The following TUBGCP5 variants were observed in gnomAD, a reference collection of about 807,000 sequenced individuals.
The protein encoded by TUBGCP5 is tubulin gamma complex component 5.
In TUBGCP5, 98 loss-of-function variants were observed where a neutral mutation model predicts 134.7. The ratio of observed to expected loss-of-function variants is 0.73; its 90% CI spans 0.62 to 0.86. The LOEUF is 0.86. Among genes scored for constraint, TUBGCP5 ranks in the 40% least tolerant of loss-of-function variants. TUBGCP5 has a pLI of 0.00. For synonymous variants in TUBGCP5, 456 were observed against 431.4 expected (o/e 1.06, Z -0.71); for missense variants, 1,150 against 1,244.8 (o/e 0.92, Z 1.15).
chr15:23,038,230 A>C (rs1383143298), intron 1 of TUBGCP5, among the ~76,000 whole-genome samples: 1 of 152,120 alleles, frequency 6.6e-6, no homozygotes, highest in Non-Finnish European at 1.5e-5. Flanking sequence ...TACTTAAATA[A>C]AATTACACTA....
At position 23,011,041 on chromosome 15, in the gene TUBGCP5, T is replaced by C; in HGVS notation, c.1955+92A>G. The C allele has an allele frequency of 4.5e-6, 6 of 1,342,990 alleles. No individual in the cohort carries two copies. In the Admixed American group the frequency reaches 1.2e-4, roughly 27 times the overall value. 83.2% of individuals were successfully genotyped at this position (1,342,990 alleles called of 1,614,324 possible). Reference sequence around the variant, plus strand: ...AAAGGATAGCCTACAAGAGTTTTTGTTTTTAGCCCTACCTGCCAGAAATAA... The same window carrying C: ...AAAGGATAGCCTACAAGAGTTTTTGCTTTTAGCCCTACCTGCCAGAAATAA... On this transcript the variant is annotated intron_variant, in intron 14 of 22. Coordinates refer to ENST00000615383, the MANE Select transcript of TUBGCP5 (RefSeq NM_052903.6).
chr15:22,983,100 T>G (rs1413836707), downstream of TUBGCP5: 2 of 152,180 alleles, frequency 1.3e-5, no homozygotes, highest in African/African-American at 2.4e-5. Context: ...AAAATTTTTT[T>G]TAAGTAATTA....
Position 23,032,808 on chromosome 15 carries a change from G to T in TUBGCP5, c.326C>A (p.Ser109Tyr). ...IKEIKTDAHY[S>Y]ILSLLLCLSD... Reference sequence around the variant, plus strand: ...CAGACACAGAAGAAGTGACAGTATGGAATAATGTGCATCTGTCTTTAAAAC... The same window carrying T: ...CAGACACAGAAGAAGTGACAGTATGTAATAATGTGCATCTGTCTTTAAAAC... Residue 109 changes from serine (S) to tyrosine (Y), a missense_variant, in exon 4 of 23, where the codon TCC becomes TAC. Physicochemically the swap from Ser to Tyr is moderately radical, Grantham distance 144. Transcript: ENST00000615383. 6.3e-7 allele frequency: 1 copy of T among 1,579,542 alleles called. No homozygotes were observed. Among genetic ancestry groups the T allele is most frequent in the South Asian group, 1.2e-5 (1 of 84,322 alleles).
chr15:23,008,137 A>T (rs538454298), intron 16 of TUBGCP5, among the ~76,000 whole-genome samples: 110 of 152,126 alleles, frequency 7.2e-4, no homozygotes, highest in African/African-American at 2.4e-3. Flanking sequence ...TCCTAAGCTC[A>T]AGCAATCCTC....
Position 22,999,590 on chromosome 15 carries a change from C to T in TUBGCP5, c.*230G>A, listed in dbSNP as rs569760113. On this transcript the variant is annotated 3_prime_UTR_variant, in exon 23 of 23. Coordinates refer to ENST00000615383, the MANE Select transcript of TUBGCP5 (RefSeq NM_052903.6). ...TACATTTTGTATTTTTGGTAGACACCGGGTTTCACCATGTTGCCCAGGCTG... is the reference window on the plus strand; with the variant it reads ...TACATTTTGTATTTTTGGTAGACACTGGGTTTCACCATGTTGCCCAGGCTG... 39 of 534,868 alleles carry T rather than the reference C, an allele frequency of 7.3e-5. No homozygotes were observed. In the Middle Eastern group the frequency reaches 2.0e-3, roughly 27 times the overall value. The allele number at this position is 534,868 out of a possible 1,614,324, so 33.1% of individuals were successfully genotyped here.
chr15:23,032,913 G>A (rs2066395909), intron 3 of TUBGCP5, 89 bp from the exon 4 acceptor site: 1 of 936,530 alleles, frequency 1.1e-6, no homozygotes, highest in Non-Finnish European at 1.5e-6. Context: ...TGACAGTTAT[G>A]TCCCCAATTT....
At chr15:23,004,036 T>C in intron 20 of TUBGCP5, 66 bp downstream of exon 20, 4 of 1,520,724 alleles carry the variant, frequency 2.6e-6, no homozygotes, top group African/African-American at 1.4e-5. Flanking sequence ...ATCATAAAAT[T>C]CCAAAGCACG....
chr15:23,005,833 A>G (rs1235889468), intron 18 of TUBGCP5: 4 of 675,978 alleles, frequency 5.9e-6, no homozygotes, highest in Admixed American at 3.2e-5. Flanking sequence ...TCAACTGTAC[A>G]TACAACTTCC....
intron 8 of TUBGCP5, 72 bp from the exon 9 acceptor site, chr15:23,024,902 A>ATTTT: frequency 4.2e-6 from 3 of 717,384 alleles, no homozygotes; most frequent in African/African-American, 1.9e-5. Context: ...TGCCCAGGAC[A>ATTTT]TTTTTTTTTT....
At chr15:23,030,152 G>A (rs902477184) in intron 6 of TUBGCP5, among the ~76,000 whole-genome samples, 17 of 152,036 alleles carry the variant, frequency 1.1e-4, no homozygotes, top group African/African-American at 4.1e-4. Flanking sequence ...CTAAGATTGT[G>A]CCACTGCACT....
intron 16 of TUBGCP5, among the ~76,000 whole-genome samples, chr15:23,007,209 C>T (rs12915753): frequency 0.089 from 13,499 of 152,084 alleles, 1,074 homozygotes; most frequent in East Asian, 0.46. Flanking sequence ...CGAGACCATC[C>T]TGGCTAACCC....
At chr15:23,009,291 T>C (rs930546861) in intron 15 of TUBGCP5, among the ~76,000 whole-genome samples, 4 of 148,362 alleles carry the variant, frequency 2.7e-5, no homozygotes, top group African/African-American at 1.0e-4. Context: ...TTTTTTGAGA[T>C]GGAGTCTTGC....
intron 23 of TUBGCP5, among the ~76,000 whole-genome samples, chr15:22,986,213 G>A (rs1159907770): frequency 1.3e-5 from 2 of 151,560 alleles, no homozygotes; most frequent in Non-Finnish European, 2.9e-5. Flanking sequence ...TGATGAAATT[G>A]GAACTCTGTG....
rs993637704 is a variant in TUBGCP5 at position 23,009,824 on chromosome 15, T to C, written c.2144+121A>G. 3.2e-5 allele frequency: 22 copies of C among 696,602 alleles called. 1 individual carries two copies. Among genetic ancestry groups the C allele is most frequent in the South Asian group, 2.6e-4 (6 of 23,220 alleles). 43.2% of individuals were successfully genotyped at this position (696,602 alleles called of 1,614,324 possible). ...TGGTCAATTGATTTCTCTTAGAAAATTGTTTACTGTATATCCATTTCCTAC... is the reference window on the plus strand; with the variant it reads ...TGGTCAATTGATTTCTCTTAGAAAACTGTTTACTGTATATCCATTTCCTAC... On this transcript the variant is annotated intron_variant, in intron 15 of 22. Coordinates refer to ENST00000615383, the MANE Select transcript of TUBGCP5 (RefSeq NM_052903.6).
chr15:23,028,891 A>G (rs558483114), intron 6 of TUBGCP5, among the ~76,000 whole-genome samples: 25 of 152,214 alleles, frequency 1.6e-4, no homozygotes, highest in Non-Finnish European at 2.2e-4. Context: ...GATGATACTA[A>G]TCATCTATAT....
chr15:23,017,839 T>A lies in TUBGCP5; in HGVS notation c.1690A>T (p.Lys564Ter). The A allele has an allele frequency of 6.2e-7, 1 of 1,614,040 alleles. No individual in the cohort carries two copies. The highest frequency in any genetic ancestry group is 8.5e-7 in the Non-Finnish European group (1 of 1,179,934). The change falls in exon 13 of 23, where the codon AAG (lysine) becomes TAG (stop). Residue 564 changes from lysine (K) to a stop codon, truncating the protein, a stop_gained. Coordinates refer to ENST00000615383, the MANE Select transcript of TUBGCP5 (RefSeq NM_052903.6). LOFTEE classifies it high-confidence loss of function. Reference sequence around the variant, plus strand: ...AGGTTCTTCAGCAGCTGCATCGACTTGCCAGCCATTATGATCTGCTTCAGG... The same window carrying A: ...AGGTTCTTCAGCAGCTGCATCGACTAGCCAGCCATTATGATCTGCTTCAGG... ...PVLKQIIMAGKSMQLLKNLQC... is the reference protein window; with the variant it reads ...PVLKQIIMAG
At chr15:23,007,343 T>C (rs957415076) in intron 16 of TUBGCP5, among the ~76,000 whole-genome samples, 2 of 152,170 alleles carry the variant, frequency 1.3e-5, no homozygotes, top group African/African-American at 2.4e-5. Flanking sequence ...TGAGTCGAGA[T>C]TGTGCCACTG....
downstream of TUBGCP5, among the ~76,000 whole-genome samples, chr15:22,994,231 G>A (rs1336708111): frequency 6.6e-6 from 1 of 152,052 alleles, no homozygotes; most frequent in Non-Finnish European, 1.5e-5. Flanking sequence ...GGGATTAGAG[G>A]TGCCCACCAC....
At position 23,017,835 on chromosome 15, in the gene TUBGCP5, G is replaced by C. The variant is rs1181274880; in HGVS notation, c.1694C>G (p.Ser565Trp). 6.2e-7 allele frequency: 1 copy of C among 1,613,990 alleles called. No homozygotes were observed. The highest frequency in any genetic ancestry group is 2.2e-5 in the East Asian group (1 of 44,878). ...VLKQIIMAGKSMQLLKNLQCA... is the reference protein window; with the variant it reads ...VLKQIIMAGKWMQLLKNLQCA... ...CTGCAGGTTCTTCAGCAGCTGCATCGACTTGCCAGCCATTATGATCTGCTT... is the reference window on the plus strand; with the variant it reads ...CTGCAGGTTCTTCAGCAGCTGCATCCACTTGCCAGCCATTATGATCTGCTT... The change falls in exon 13 of 23, where the codon TCG becomes TGG. Residue 565 changes from serine to tryptophan, a missense_variant. Coordinates refer to ENST00000615383, the MANE Select transcript of TUBGCP5 (RefSeq NM_052903.6).
Sources: allele counts gnomAD v4.1 joint callset (sites outside exome capture counted in the v4.1 genomes callset), GRCh38; gene constraint gnomAD v4.1.1; transcripts MANE v1.5; gene names NCBI Gene and HGNC (gene_info 2026-07-23, HGNC 2026-07-21).